Variants in ADGRB1 observed in about 807,000 individuals in gnomAD.
ADGRB1 encodes brain-specific angiogenesis inhibitor 1.
In ADGRB1, 36 loss-of-function variants were observed where a neutral mutation model predicts 175.7. That is an observed-to-expected ratio of 0.20 (90% CI 0.16 to 0.27). The LOEUF is 0.27. Among genes scored for constraint, ADGRB1 ranks in the 10% least tolerant of loss-of-function variants. The probability of loss-of-function intolerance (pLI) is 1.00; values close to 1 mark genes in which losing one functional copy is unlikely to be tolerated. For synonymous variants in ADGRB1, 1,054 were observed against 979.4 expected (o/e 1.08, Z -1.42); for missense variants, 1,731 against 2,255.3 (o/e 0.77, Z 4.71).
At chr8:142,516,147 G>T (rs1334027439) in intron 18 of ADGRB1, among the ~76,000 whole-genome samples, 1 of 151,816 alleles carries the variant, frequency 6.6e-6, no homozygotes, top group Non-Finnish European at 1.5e-5. Context: ...GTGTGTGCGG[G>T]CCCCAGGTGT....
rs1337511020 is a variant in ADGRB1 at position 142,493,421 on chromosome 8, C to T, written c.2675+2606C>T. On this transcript the variant is annotated intron_variant, in intron 17 of 30. Coordinates refer to ENST00000517894, the MANE Select transcript of ADGRB1 (RefSeq NM_001702.3). This position sits in a 1 kb window ranked among gnomAD's most constrained non-coding sequence, Gnocchi z 5.0. ...GGCGTCCGCGTGGCCTCTGTCGACC[C>T]TAAAAGTCACAGGTGTGGGGAAGGC... 6.6e-6 allele frequency among the ~76,000 whole-genome samples: 1 copy of T among 152,116 alleles called. No individual in the cohort carries two copies. The highest frequency in any genetic ancestry group is 1.5e-5 in the Non-Finnish European group (1 of 68,004).
chr8:142,499,873 C>T (rs913649222), intron 17 of ADGRB1, among the ~76,000 whole-genome samples: 5 of 152,142 alleles, frequency 3.3e-5, no homozygotes, highest in Non-Finnish European at 7.4e-5. Flanking sequence ...CAGGCCCAGA[C>T]CTGGACCAGA....
chr8:142,500,195 C>T (rs1450045441), intron 17 of ADGRB1, among the ~76,000 whole-genome samples: 2 of 151,044 alleles, frequency 1.3e-5, no homozygotes, highest in African/African-American at 2.4e-5. Context: ...TTCGCCCCCG[C>T]CCCACACCGC....
intron 2 of ADGRB1, 108 bp downstream of exon 2, chr8:142,465,090 G>A: frequency 9.0e-7 from 1 of 1,113,082 alleles, no homozygotes; most frequent in Non-Finnish European, 1.2e-6. Flanking sequence ...AGAGGAGGTG[G>A]GCGGGCAGGC....
rs1468684903 is a variant in ADGRB1, at chr8:142,524,278, G to A, written c.3286G>A (p.Val1096Met). 1 of 1,599,570 alleles carries A rather than the reference G, an allele frequency of 6.3e-7. No individual in the cohort carries two copies. The highest frequency in any genetic ancestry group is 1.3e-5 in the African/African-American group (1 of 74,956). The change falls in exon 23 of 31, where the codon GTG becomes ATG. Residue 1096 changes from valine to methionine, a missense_variant. Val to Met is a conservative substitution (Grantham distance 21). Coordinates refer to ENST00000517894, the MANE Select transcript of ADGRB1 (RefSeq NM_001702.3). Reference sequence around the variant, plus strand: ...GGAGGGGGGACTGCTCTATGCCTTCGTGGGACCTGCCGCTGCCGTTGTGCT... The same window carrying A: ...GGAGGGGGGACTGCTCTATGCCTTCATGGGACCTGCCGCTGCCGTTGTGCT... ...SLEGGLLYAF[V>M]GPAAAVVLVN...
intron 1 of ADGRB1, among the ~76,000 whole-genome samples, chr8:142,457,621 G>A (rs1458698278): frequency 6.6e-6 from 1 of 152,170 alleles, no homozygotes; most frequent in Non-Finnish European, 1.5e-5. Flanking sequence ...TGGGTGGCAC[G>A]TGACCTGGGC....
At chr8:142,520,680 A>T in intron 19 of ADGRB1, 143 bp from the exon 20 acceptor site, 1 of 629,924 alleles carries the variant, frequency 1.6e-6, no homozygotes, top group East Asian at 3.0e-5. Context: ...GGTGGCGGTG[A>T]TGATGGTCAT....
At chr8:142,463,285 CAGGCTGCTGG>C (rs1428902730) in intron 1 of ADGRB1, among the ~76,000 whole-genome samples, 1 of 152,182 alleles carries the variant, frequency 6.6e-6, no homozygotes, top group Non-Finnish European at 1.5e-5. Flanking sequence ...CAGCTGGGCA[CAGGCTGCTGG>C]AGGCTGCAGA....
chr8:142,469,108 G>T (rs1442224369), intron 2 of ADGRB1, among the ~76,000 whole-genome samples: 1 of 152,276 alleles, frequency 6.6e-6, no homozygotes, highest in Non-Finnish European at 1.5e-5. Flanking sequence ...GGCGTCTGCA[G>T]TGAGCTCTGC....
Position 142,463,979 on chromosome 8 carries a change from G to A in ADGRB1, c.-219-1G>A. ...CTGACCCTCTGCTCTTTCTCTTCCA[G>A]CTGCTGCTGGTGGCCACAGGCTGGC... On this transcript the variant is annotated splice_acceptor_variant, in intron 1 of 30. Coordinates refer to ENST00000517894, the MANE Select transcript of ADGRB1 (RefSeq NM_001702.3). LOFTEE classifies it low-confidence loss of function (5UTR_SPLICE). 2.7e-6 allele frequency: 1 copy of A among 370,758 alleles called. No individual in the cohort carries two copies. The highest frequency in any genetic ancestry group is 4.7e-6 in the Non-Finnish European group (1 of 212,760). 23.0% of individuals were successfully genotyped at this position (370,758 alleles called of 1,614,324 possible).
intron 17 of ADGRB1, among the ~76,000 whole-genome samples, chr8:142,502,197 G>A (rs1200137312): frequency 1.2e-5 from 1 of 86,708 alleles, no homozygotes; most frequent in Non-Finnish European, 2.5e-5. Flanking sequence ...GATGATGACA[G>A]TGGAGGTGGT....
chr8:142,493,983 G>A lies in ADGRB1; in HGVS notation c.2675+3168G>A, dbSNP rs1432937757. On this transcript the variant is annotated intron_variant, in intron 17 of 30. Transcript: ENST00000517894. The surrounding 1 kb of genome is among the most constrained non-coding windows in gnomAD (Gnocchi z 5.0). The stretch of plus-strand genomic sequence containing the variant: ...AGGTCTGTTTCCACCAGGGCACCAA[G>A]GGACCGGGTCCAAGCTGGTGTGGGC... Among the ~76,000 whole-genome samples the A allele has an allele frequency of 4.6e-5, 7 of 152,208 alleles. No individual in the cohort carries two copies. Among genetic ancestry groups the A allele is most frequent in the Non-Finnish European group, 1.0e-4 (7 of 68,026 alleles).
At chr8:142,528,272 C>T (rs1009905461) in intron 24 of ADGRB1, among the ~76,000 whole-genome samples, 1 of 152,216 alleles carries the variant, frequency 6.6e-6, no homozygotes, top group Admixed American at 6.5e-5. Context: ...CCGCTTTGTG[C>T]AGACGGAGGC....
At position 142,464,197 on chromosome 8, in the gene ADGRB1, G is replaced by A; in HGVS notation, c.-2G>A. 3 of 1,271,374 alleles carry A rather than the reference G, an allele frequency of 2.4e-6. No homozygotes were observed. The highest frequency in any genetic ancestry group is 3.0e-6 in the Non-Finnish European group (3 of 1,014,206). 78.8% of individuals were successfully genotyped at this position (1,271,374 alleles called of 1,614,324 possible). On this transcript the variant is annotated 5_prime_UTR_variant, in exon 2 of 31. Coordinates refer to ENST00000517894, the MANE Select transcript of ADGRB1 (RefSeq NM_001702.3). ...GGAACCCCGGCGGCCCCGCGAGCTA[G>A]GATGAGGGGCCAGGCCGCCGCCCCG... is the stretch of plus-strand genomic sequence containing the variant.
intron 22 of ADGRB1, 63 bp from the exon 23 acceptor site, chr8:142,524,175 G>T: frequency 6.5e-7 from 1 of 1,532,608 alleles, no homozygotes; most frequent in Non-Finnish European, 8.8e-7. Flanking sequence ...CTGAGAGGCC[G>T]GCAGCACCTC....
At chr8:142,514,817 G>A (rs1016345541) in intron 18 of ADGRB1, among the ~76,000 whole-genome samples, 2 of 152,116 alleles carry the variant, frequency 1.3e-5, no homozygotes, top group African/African-American at 4.8e-5. Context: ...AGGGTGTGAT[G>A]GGAATTGGGG....
Position 142,452,120 on chromosome 8 carries a change from G to A in ADGRB1, c.-220+2016G>A, listed in dbSNP as rs576665469. Among the ~76,000 whole-genome samples the A allele has an allele frequency of 6.8e-4, 104 of 152,306 alleles. 3 individuals carry two copies. The highest frequency in any genetic ancestry group is 6.8e-3 in the East Asian group (35 of 5,172). ...GACGTTGCGCGCGTTCGGGGATCCCGGAGCGCCCGGCGCCCCACGCCCTCC... is the reference window on the plus strand; with the variant it reads ...GACGTTGCGCGCGTTCGGGGATCCCAGAGCGCCCGGCGCCCCACGCCCTCC... On this transcript the variant is annotated intron_variant, in intron 1 of 30. Coordinates refer to ENST00000517894, the MANE Select transcript of ADGRB1 (RefSeq NM_001702.3).
At chr8:142,536,905 C>CA (rs1844961774) in intron 25 of ADGRB1, 82 bp from the exon 26 acceptor site, 2 of 1,234,900 alleles carry the variant, frequency 1.6e-6, no homozygotes, top group Non-Finnish European at 1.1e-6. Flanking sequence ...CCCGCCCCCC[C>CA]ACAGGTGCTG....
At position 142,537,791 on chromosome 8, in the gene ADGRB1, G is replaced by A. The variant is rs547090131; in HGVS notation, c.3666+709G>A. 2.0e-5 allele frequency among the ~76,000 whole-genome samples: 3 copies of A among 152,114 alleles called. No homozygotes were observed. Among genetic ancestry groups the A allele is most frequent in the African/African-American group, 4.8e-5 (2 of 41,416 alleles). On this transcript the variant is annotated intron_variant, in intron 26 of 30. Coordinates refer to ENST00000517894, the MANE Select transcript of ADGRB1 (RefSeq NM_001702.3). This position sits in a 1 kb window ranked among gnomAD's most constrained non-coding sequence, Gnocchi z 4.6. ...GCCCAAGTGGCGGTTCCTACGTAAGGGCCCCCAACAGCCCCCTGTGGAGCC... is the reference window on the plus strand; with the variant it reads ...GCCCAAGTGGCGGTTCCTACGTAAGAGCCCCCAACAGCCCCCTGTGGAGCC...
Sources: gnomAD v4.1 joint callset for allele counts (sites outside exome capture counted in the v4.1 genomes callset) on GRCh38, gnomAD v4.1.1 for gene constraint, Gnocchi (gnomAD v3.1) non-coding constraint, MANE v1.5 for transcripts, NCBI Gene and HGNC (gene_info 2026-07-23, HGNC 2026-07-21) for gene names.